The following CEACAM3 variants were observed in gnomAD, a reference collection of about 807,000 sequenced individuals.
CEACAM3 encodes CEA cell adhesion molecule 3, also known as cell adhesion molecule CEACAM3.
CEACAM3 carries 32 observed loss-of-function variants against 30.1 expected under a neutral mutation model. The observed-to-expected ratio is 1.06, with a 90% CI of 0.80 to 1.43. CEACAM3 has a LOEUF of 1.43. Among genes scored for constraint, CEACAM3 ranks in the 40% most tolerant of loss-of-function variants. The pLI, the probability that CEACAM3 is intolerant of heterozygous loss-of-function variation, is 0.00. For synonymous variants in CEACAM3, 134 were observed against 127.2 expected, an observed-to-expected ratio of 1.05 and a Z score of -0.36; for missense variants, 290 against 316.3, an observed-to-expected ratio of 0.92 and a Z score of 0.63.
intron 2 of CEACAM3, among the ~76,000 whole-genome samples, chr19:41,803,847 A>T (rs1210109299): frequency 6.6e-6 from 1 of 152,114 alleles, no homozygotes; most frequent in Non-Finnish European, 1.5e-5. Flanking sequence ...TGGGAGGCTG[A>T]GGCGGGTGGA....
intron 2 of CEACAM3, chr19:41,807,063 G>A (rs910174470): frequency 6.2e-7 from 1 of 1,607,568 alleles, no homozygotes; most frequent in Non-Finnish European, 8.5e-7. Context: ...GCCTGTGGAG[G>A]AATCACAGGT....
chr19:41,811,411 A>G lies in CEACAM3; in HGVS notation c.*174A>G, dbSNP rs1403538212. 6 of 621,556 alleles carry G rather than the reference A, an allele frequency of 9.7e-6. No individual in the cohort carries two copies. Among genetic ancestry groups the G allele is most frequent in the South Asian group, 5.5e-5 (3 of 54,160 alleles). 38.5% of individuals were successfully genotyped at this position (621,556 alleles called of 1,614,324 possible). A position where few individuals can be genotyped will look rare whatever the true frequency, so the allele number is the denominator to read the frequency against. On this transcript the variant is annotated 3_prime_UTR_variant, in exon 7 of 7. Transcript: ENST00000357396. The stretch of plus-strand genomic sequence containing the variant: ...CCCTGATGAATATCTGGAGACCTCG[A>G]CAGCCTGCCCTAGGCCCTGGGTGGG...
At chr19:41,800,206 G>A (rs1254721707) in intron 2 of CEACAM3, among the ~76,000 whole-genome samples, 1 of 152,192 alleles carries the variant, frequency 6.6e-6, no homozygotes, top group Non-Finnish European at 1.5e-5. Context: ...AGGCCATACA[G>A]AGATAGGAGC....
At chr19:41,796,845 T>C in intron 1 of CEACAM3, 104 bp downstream of exon 1, 2 of 1,222,904 alleles carry the variant, frequency 1.6e-6, no homozygotes, top group Admixed American at 2.7e-5. Context: ...AGGCTTCTGC[T>C]GAAGCCTCAG....
At chr19:41,807,810 TC>T (rs2073215745) in intron 2 of CEACAM3, among the ~76,000 whole-genome samples, 1 of 151,958 alleles carries the variant, frequency 6.6e-6, no homozygotes, top group Non-Finnish European at 1.5e-5. Flanking sequence ...CCCCCCAGAC[TC>T]CTATTACCAT....
chr19:41,808,540 G>C (rs1231325014), intron 2 of CEACAM3, among the ~76,000 whole-genome samples: 1 of 152,248 alleles, frequency 6.6e-6, no homozygotes, highest in Non-Finnish European at 1.5e-5. Context: ...CATGATGCGA[G>C]AGGAAGGAGG....
At chr19:41,810,039 G>A (rs782647887) in intron 4 of CEACAM3, 22 bp downstream of exon 4, 19 of 1,611,516 alleles carry the variant, frequency 1.2e-5, no homozygotes, top group Non-Finnish European at 1.5e-5. Context: ...CTCAGCCCAG[G>A]TGTGGCTGGG....
chr19:41,810,758 G>A (rs1354936005), intron 5 of CEACAM3, 74 bp from the exon 6 acceptor site: 2 of 1,309,414 alleles, frequency 1.5e-6, no homozygotes, highest in African/African-American at 2.9e-5. Flanking sequence ...TAAACACAGA[G>A]AAGTAAATCC....
rs1126459 is a variant in CEACAM3, at chr19:41,810,853, C to T, written c.649C>T (p.Gln217Ter). The part of the protein sequence containing the change: ...AFSMSPLSTA[Q>*]APLPNPRTAA... The stretch of plus-strand genomic sequence containing the variant: ...ACAGATGTCCCCTCTCTCCACTGCC[C>T]AGGCCCCCCTACCCAACCCCAGGAC... The change falls in exon 6 of 7, where the codon CAG becomes TAG. Residue 217 changes from glutamine (Q) to a stop codon, truncating the protein, a stop_gained. Coordinates refer to ENST00000357396, the MANE Select transcript of CEACAM3 (RefSeq NM_001815.5). LOFTEE classifies it low-confidence loss of function (END_TRUNC). 2 of 1,613,474 alleles carry T rather than the reference C, an allele frequency of 1.2e-6. No homozygotes were observed. Among genetic ancestry groups the T allele is most frequent in the East Asian group, 4.5e-5 (2 of 44,868 alleles).
intron 3 of CEACAM3, 164 bp from the exon 4 acceptor site, chr19:41,809,801 T>C: frequency 5.8e-6 from 4 of 694,938 alleles, no homozygotes; most frequent in South Asian, 5.1e-5. Flanking sequence ...CTAAAGCCTT[T>C]CCTCAACTCC....
chr19:41,809,695 G>A lies in CEACAM3; in HGVS notation c.543-270G>A, dbSNP rs533203526. ...CCTCGTGGTCTGTTTCCTTCCTTGG[G>A]TCCTCAGTCCCTTTCCTGGGTCCCT... On this transcript the variant is annotated intron_variant, in intron 3 of 6. Transcript: ENST00000357396. The A allele has an allele frequency of 1.1e-5, 4 of 373,798 alleles. No individual in the cohort carries two copies. In the Admixed American group the frequency reaches 1.7e-4, roughly 16 times the overall value. 23.2% of individuals were successfully genotyped at this position (373,798 alleles called of 1,614,324 possible).
At position 41,803,454 on chromosome 19, in the gene CEACAM3, G is replaced by GTTT. The variant is rs2073170230; in HGVS notation, c.425-5358_425-5357insTTT. The stretch of plus-strand genomic sequence containing the variant: ...TGTGTGTGTGTGTGTGTGTGTGTGT[G>GTTT]TGTGTTGTTTTGTTTGTTTTTTTTT... On this transcript the variant is annotated intron_variant, in intron 2 of 6. Coordinates refer to ENST00000357396, the MANE Select transcript of CEACAM3 (RefSeq NM_001815.5). Among the ~76,000 whole-genome samples the GTTT allele has an allele frequency of 2.3e-3, 112 of 48,846 alleles. 1 individual carries two copies. The highest frequency in any genetic ancestry group is 0.013 in the South Asian group (11 of 838). The allele number at this position is 48,846 out of a possible 152,430, so 32.0% of individuals were successfully genotyped here.
chr19:41,804,097 G>A (rs2073179528), intron 2 of CEACAM3, among the ~76,000 whole-genome samples: 1 of 151,714 alleles, frequency 6.6e-6, no homozygotes, highest in East Asian at 1.9e-4. Context: ...AAAAAAAAGA[G>A]TGGGTAAAAA....
At chr19:41,804,985 C>G (rs1555826528) in intron 2 of CEACAM3, among the ~76,000 whole-genome samples, 1 of 151,912 alleles carries the variant, frequency 6.6e-6, no homozygotes, top group African/African-American at 2.4e-5. Flanking sequence ...ATTTTTTGAC[C>G]ACTGGCATGA....
intron 2 of CEACAM3, among the ~76,000 whole-genome samples, chr19:41,800,427 C>T (rs1430750117): frequency 1.3e-4 from 19 of 151,998 alleles, no homozygotes; most frequent in African/African-American, 4.6e-4. Flanking sequence ...TCTCCCTTTC[C>T]CCGGGAGAGT....
At chr19:41,807,066 T>A (rs1440386815) in intron 2 of CEACAM3, 15 of 1,607,958 alleles carry the variant, frequency 9.3e-6, no homozygotes, top group African/African-American at 1.3e-5. Context: ...TGTGGAGGAA[T>A]CACAGGTGCC....
chr19:41,805,701 A>G (rs1307979065), intron 2 of CEACAM3, among the ~76,000 whole-genome samples: 3 of 152,124 alleles, frequency 2.0e-5, no homozygotes, highest in Non-Finnish European at 4.4e-5. Context: ...CATAATCTCC[A>G]ATGGGAGAAA....
intron 2 of CEACAM3, among the ~76,000 whole-genome samples, chr19:41,808,540 G>A (rs1231325014): frequency 2.0e-5 from 3 of 152,248 alleles, no homozygotes; most frequent in Non-Finnish European, 4.4e-5. Context: ...CATGATGCGA[G>A]AGGAAGGAGG....
At chr19:41,811,144 G>C in intron 6 of CEACAM3, 28 bp from the exon 7 acceptor site, 2 of 1,610,738 alleles carry the variant, frequency 1.2e-6, no homozygotes, top group South Asian at 2.2e-5. Context: ...AGACTAGAGG[G>C]GTCCAGGCCT....
Sources: allele counts gnomAD v4.1 joint callset (sites outside exome capture counted in the v4.1 genomes callset), GRCh38; gene constraint gnomAD v4.1.1; transcripts MANE v1.5; gene names NCBI Gene and HGNC (gene_info 2026-07-23, HGNC 2026-07-21).